The following PDE1A variants were observed in gnomAD, a reference collection of about 807,000 sequenced individuals.
PDE1A encodes the protein phosphodiesterase 1A.
PDE1A carries 35 observed loss-of-function variants against 61.7 expected under a neutral mutation model. The observed-to-expected ratio is 0.57, with a 90% confidence interval of 0.43 to 0.75. The LOEUF (loss-of-function observed/expected upper bound fraction) is 0.75, where lower values mean the gene tolerates loss of function less well. Ranked by LOEUF, PDE1A falls within the 30% of genes least tolerant of loss-of-function variation. The pLI, the probability that PDE1A is intolerant of heterozygous loss-of-function variation, is 0.00. For missense variants in PDE1A, 597 were observed against 630.6 expected (o/e 0.95, Z 0.57); for synonymous variants, 232 against 213.2 (o/e 1.09, Z -0.77).
At chr2:182,293,802 CCTT>C (rs376242494) in intron 1 of PDE1A, among the ~76,000 whole-genome samples, 2 of 152,210 alleles carry the variant, frequency 1.3e-5, no homozygotes, top group African/African-American at 4.8e-5. Context: ...CTGTACTTAT[CCTT>C]CTTATGATGA....
chr2:182,475,943 G>A (rs1687330965), intron 2 of PDE1A, among the ~76,000 whole-genome samples: 1 of 151,810 alleles, frequency 6.6e-6, no homozygotes, highest in African/African-American at 2.4e-5. Flanking sequence ...GAGGAGGTAG[G>A]ATGTTGATAA....
At chr2:182,348,410 C>T (rs17264880) in intron 1 of PDE1A, among the ~76,000 whole-genome samples, 49,375 of 151,782 alleles carry the variant, frequency 0.33, 9,744 homozygotes, top group Middle Eastern at 0.45. Context: ...GATTCTGTGA[C>T]CTCTGACTTT....
the PDE1A span, among the ~76,000 whole-genome samples, chr2:182,659,652 T>C: frequency 1.3e-5 from 2 of 152,332 alleles, no homozygotes; most frequent in Admixed American, 6.5e-5. Context: ...CAAAATTCCT[T>C]GGTTGGATTC....
At chr2:182,183,111 A>T (rs1559148804) in intron 13 of PDE1A, among the ~76,000 whole-genome samples, 1 of 152,208 alleles carries the variant, frequency 6.6e-6, no homozygotes, top group Non-Finnish European at 1.5e-5. Context: ...TATAGCGCTT[A>T]GTACTCTAGA....
At chr2:182,144,675 G>A (rs1160590913), downstream of PDE1A, among the ~76,000 whole-genome samples, 1 of 152,164 alleles carries the variant, frequency 6.6e-6, no homozygotes, top group African/African-American at 2.4e-5. Context: ...TACACTTTCT[G>A]TGATGGCAGC....
the PDE1A span, among the ~76,000 whole-genome samples, chr2:182,562,156 C>T: frequency 6.6e-6 from 1 of 151,986 alleles, no homozygotes; most frequent in Admixed American, 6.6e-5. Flanking sequence ...GGAATGCTTC[C>T]AGTTTTTGCC....
At chr2:182,419,046 T>C (rs1272738075) in intron 1 of PDE1A, among the ~76,000 whole-genome samples, 1 of 150,598 alleles carries the variant, frequency 6.6e-6, no homozygotes, top group Non-Finnish European at 1.5e-5. Flanking sequence ...TTTAAATCCT[T>C]CCTGTTCCAG....
At chr2:182,658,073 C>CA in the PDE1A span, among the ~76,000 whole-genome samples, 4 of 119,564 alleles carry the variant, frequency 3.3e-5, no homozygotes, top group South Asian at 5.1e-4. Context: ...AAAAAAAAAA[C>CA]AAAAAAACTT....
At chr2:182,224,825 A>G (rs1689009819) in intron 6 of PDE1A, among the ~76,000 whole-genome samples, 1 of 151,938 alleles carries the variant, frequency 6.6e-6, no homozygotes, top group South Asian at 2.1e-4. Flanking sequence ...CACATGTGAC[A>G]AGTGGTTACC....
chr2:182,293,863 C>G (rs972998660), intron 1 of PDE1A, among the ~76,000 whole-genome samples: 1 of 152,068 alleles, frequency 6.6e-6, no homozygotes, highest in Non-Finnish European at 1.5e-5. Context: ...AGGTGAATGA[C>G]ATAGGCATTG....
At chr2:182,238,221 A>T (rs1015263435) in intron 3 of PDE1A, among the ~76,000 whole-genome samples, 1 of 145,554 alleles carries the variant, frequency 6.9e-6, no homozygotes, top group African/African-American at 2.6e-5. Flanking sequence ...GGGAGCCGAG[A>T]TCGCGCCACT....
chr2:182,578,370 A>G, the PDE1A span, among the ~76,000 whole-genome samples: 1 of 152,168 alleles, frequency 6.6e-6, no homozygotes, highest in Non-Finnish European at 1.5e-5. Context: ...TTTTATTCCA[A>G]ACATAGGAAA....
the PDE1A span, among the ~76,000 whole-genome samples, chr2:182,559,402 A>G: frequency 1.3e-5 from 2 of 152,154 alleles, no homozygotes; most frequent in African/African-American, 2.4e-5. Context: ...CAGAAAAGAT[A>G]TAATCATGAT....
At chr2:182,324,637 A>G (rs1437008431) in intron 1 of PDE1A, among the ~76,000 whole-genome samples, 3 of 152,204 alleles carry the variant, frequency 2.0e-5, no homozygotes, top group Non-Finnish European at 4.4e-5. Context: ...CAAACCTACA[A>G]GAAAATAAAT....
intron 1 of PDE1A, among the ~76,000 whole-genome samples, chr2:182,304,556 C>T (rs1695456127): frequency 6.6e-6 from 1 of 152,138 alleles, no homozygotes; most frequent in Admixed American, 6.5e-5. Context: ...TCATTTCTAG[C>T]TTATGATTTA....
At chr2:182,166,230 G>A (rs1431918424), downstream of PDE1A, among the ~76,000 whole-genome samples, 3 of 152,120 alleles carry the variant, frequency 2.0e-5, no homozygotes, top group African/African-American at 7.2e-5. Flanking sequence ...ACTGTTTCCA[G>A]AGAAGATTAA....
chr2:182,388,645 C>T (rs894119386), intron 1 of PDE1A, among the ~76,000 whole-genome samples: 1 of 151,692 alleles, frequency 6.6e-6, no homozygotes, highest in African/African-American at 2.4e-5. Context: ...CACAACATAC[C>T]TATGGGATAT....
At chr2:182,595,553 T>C in the PDE1A span, among the ~76,000 whole-genome samples, 1 of 152,234 alleles carries the variant, frequency 6.6e-6, no homozygotes, top group East Asian at 1.9e-4. Flanking sequence ...TATTTTCTGA[T>C]CCTACTCAAT....
In PDE1A at chr2:182,202,414, A is replaced by C. The variant is rs376515619; in HGVS notation, c.903-625T>G. Among the ~76,000 whole-genome samples, 6 of 152,308 alleles carry C rather than the reference A, an allele frequency of 3.9e-5. No individual in the cohort carries two copies. In the East Asian group the frequency reaches 1.2e-3, roughly 29 times the overall value. On this transcript the variant is annotated intron_variant, in intron 8 of 13. Coordinates refer to ENST00000351439, the Ensembl canonical transcript of PDE1A. ...TGTAAGGATTAAATGTCTTCATATA[A>C]TACCGATAATAAAATACTTTAGCAA...
Sources: allele counts gnomAD v4.1 joint callset (sites outside exome capture counted in the v4.1 genomes callset), GRCh38; gene constraint gnomAD v4.1.1; transcripts MANE v1.5; gene names NCBI Gene and HGNC (gene_info 2026-07-23, HGNC 2026-07-21).